Variants in LRRC52 observed in about 807,000 individuals in gnomAD.
LRRC52 encodes leucine rich repeat containing 52.
Under a neutral mutation model 14.7 loss-of-function variants are expected in LRRC52, and 15 were observed. That is an observed-to-expected ratio of 1.02 (90% CI 0.68 to 1.58). The LOEUF (loss-of-function observed/expected upper bound fraction) is 1.58. Among genes scored for constraint, LRRC52 ranks in the 40% most tolerant of loss-of-function variants. The pLI, the probability that LRRC52 is intolerant of heterozygous loss-of-function variation, is 0.00. For missense variants in LRRC52, 400 were observed against 387.7 expected, an observed-to-expected ratio of 1.03 and a Z score of -0.27; for synonymous variants, 180 against 163.9, an observed-to-expected ratio of 1.10 and a Z score of -0.75.
At chr1:165,555,058 A>G (rs961534237) in intron 1 of LRRC52, among the ~76,000 whole-genome samples, 3 of 152,258 alleles carry the variant, frequency 2.0e-5, no homozygotes, top group Non-Finnish European at 2.9e-5. Context: ...GGCACGGGGC[A>G]TACTGGTGTG....
Position 165,544,229 on chromosome 1 carries a change from C to CCCCCCCCCT in LRRC52, c.-68_-67insCCCCCCCCT. The stretch of plus-strand genomic sequence containing the variant: ...CCCCTCCCCCGCCCCACCCCCCCAC[C>CCCCCCCCCT]GGCAGCCTTCGGATCAGAGGACAGA... On this transcript the variant is annotated 5_prime_UTR_variant, in exon 1 of 2. Coordinates refer to ENST00000294818, the MANE Select transcript of LRRC52 (RefSeq NM_001005214.4). 6.8e-7 allele frequency: 1 copy of CCCCCCCCCT among 1,476,568 alleles called. No homozygotes were observed. Among genetic ancestry groups the CCCCCCCCCT allele is most frequent in the South Asian group, 1.3e-5 (1 of 75,142 alleles). 91.5% of individuals were successfully genotyped at this position (1,476,568 alleles called of 1,614,324 possible). A position where few individuals can be genotyped will look rare whatever the true frequency, so the allele number is the denominator to read the frequency against.
chr1:165,544,133 A>T lies in LRRC52; in HGVS notation c.-164A>T. On this transcript the variant is annotated 5_prime_UTR_variant, in exon 1 of 2. Coordinates refer to ENST00000294818, the MANE Select transcript of LRRC52 (RefSeq NM_001005214.4). ...GCAGGGCATTGAGCCTCGCGTTTCA[A>T]TTTCTGTTCAGTTCTCCTGTAATGG... The T allele has an allele frequency of 1.1e-6, 1 of 875,984 alleles. No homozygotes were observed. The highest frequency in any genetic ancestry group is 1.7e-6 in the Non-Finnish European group (1 of 581,120). The allele number at this position is 875,984 out of a possible 1,614,324, so 54.3% of individuals were successfully genotyped here. A position where few individuals can be genotyped will look rare whatever the true frequency, so the allele number is the denominator to read the frequency against.
chr1:165,553,051 G>A (rs1356002781), intron 1 of LRRC52, among the ~76,000 whole-genome samples: 1 of 152,114 alleles, frequency 6.6e-6, no homozygotes, highest in African/African-American at 2.4e-5. Context: ...TCAGAATAGA[G>A]GACAGGGCAT....
Position 165,544,791 on chromosome 1 carries a change from G to A in LRRC52, c.495G>A (p.Leu165=), listed in dbSNP as rs1368517844. ...TCAGAAATACCGGCTTGCAGACCCT[G>A]GACAGTGCTGCCTTATACCACCTCA... ...LDLRNTGLQT[L]DSAALYHLTT... Residue 165 remains leucine (L), a synonymous_variant, in exon 1 of 2, where the codon CTG becomes CTA. Transcript: ENST00000294818. The A allele has an allele frequency of 1.2e-6, 2 of 1,613,834 alleles. No homozygotes were observed. Among genetic ancestry groups the A allele is most frequent in the East Asian group, 2.2e-5 (1 of 44,872 alleles).
chr1:165,562,848 TC>T (rs34285112), intron 1 of LRRC52, among the ~76,000 whole-genome samples: 19,469 of 151,942 alleles, frequency 0.13, 1,345 homozygotes, highest in Non-Finnish European at 0.16. Flanking sequence ...AGAACTGCTT[TC>T]CCTATTGGCA....
At chr1:165,546,384 C>G (rs1661020888) in intron 1 of LRRC52, among the ~76,000 whole-genome samples, 1 of 152,228 alleles carries the variant, frequency 6.6e-6, no homozygotes, top group Non-Finnish European at 1.5e-5. Context: ...AAGCAGTTAT[C>G]TCAGGTAGGT....
At chr1:165,545,794 C>T (rs762948567) in intron 1 of LRRC52, among the ~76,000 whole-genome samples, 5 of 152,136 alleles carry the variant, frequency 3.3e-5, no homozygotes, top group Non-Finnish European at 5.9e-5. Context: ...CATTTTTACC[C>T]AGGAAAGTCA....
intron 1 of LRRC52, among the ~76,000 whole-genome samples, chr1:165,547,491 A>C (rs1020187877): frequency 1.3e-5 from 2 of 152,102 alleles, no homozygotes; most frequent in African/African-American, 4.8e-5. Context: ...AGTCTACCCC[A>C]ACTCCAAAAG....
chr1:165,546,126 GGTGT>G (rs1010139639), intron 1 of LRRC52, among the ~76,000 whole-genome samples: 4 of 152,140 alleles, frequency 2.6e-5, no homozygotes, highest in African/African-American at 7.2e-5. Flanking sequence ...CTTCCCAATG[GGTGT>G]GTCTCAAAAA....
At chr1:165,554,045 G>A (rs1295405428) in intron 1 of LRRC52, among the ~76,000 whole-genome samples, 5 of 152,066 alleles carry the variant, frequency 3.3e-5, no homozygotes, top group Admixed American at 2.0e-4. Flanking sequence ...GTCACTTGCC[G>A]ACTACTTGAC....
chr1:165,561,710 C>T (rs1661348254), intron 1 of LRRC52, among the ~76,000 whole-genome samples: 1 of 152,362 alleles, frequency 6.6e-6, no homozygotes, highest in East Asian at 1.9e-4. Flanking sequence ...TGACACAGTT[C>T]GTGCACTGGC....
intron 1 of LRRC52, among the ~76,000 whole-genome samples, chr1:165,548,177 G>C (rs1396732142): frequency 6.6e-6 from 1 of 152,098 alleles, no homozygotes; most frequent in Non-Finnish European, 1.5e-5. Flanking sequence ...CTCATTTTAG[G>C]CCCAAGGAAA....
intron 1 of LRRC52, among the ~76,000 whole-genome samples, chr1:165,562,200 T>TAAGGAGA (rs1339260941): frequency 7.2e-5 from 11 of 152,362 alleles, no homozygotes; most frequent in Non-Finnish European, 1.3e-4. Flanking sequence ...TGAATCTCAG[T>TAAGGAGA]TTCCTTATTT....
rs1571102250 is a variant in LRRC52, at chr1:165,544,225, C to T, written c.-72C>T. 7.2e-6 allele frequency: 10 copies of T among 1,388,146 alleles called. 1 individual carries two copies. Among genetic ancestry groups the T allele is most frequent in the Admixed American group, 2.3e-5 (1 of 44,170 alleles). 86.0% of individuals were successfully genotyped at this position (1,388,146 alleles called of 1,614,324 possible). Reference sequence around the variant, plus strand: ...AGAGCCCCTCCCCCGCCCCACCCCCCCACCGGCAGCCTTCGGATCAGAGGA... The same window carrying T: ...AGAGCCCCTCCCCCGCCCCACCCCCTCACCGGCAGCCTTCGGATCAGAGGA... On this transcript the variant is annotated 5_prime_UTR_variant, in exon 1 of 2. Transcript: ENST00000294818.
Position 165,544,220 on chromosome 1 carries a change from C to T in LRRC52, c.-77C>T, listed in dbSNP as rs538167744. On this transcript the variant is annotated 5_prime_UTR_variant, in exon 1 of 2. Coordinates refer to ENST00000294818, the MANE Select transcript of LRRC52 (RefSeq NM_001005214.4). ...TTTCCAGAGCCCCTCCCCCGCCCCA[C>T]CCCCCCACCGGCAGCCTTCGGATCA... 6.4e-5 allele frequency: 82 copies of T among 1,280,298 alleles called. 7 individuals carry two copies. In the African/African-American group the frequency reaches 9.5e-4, roughly 15 times the overall value. 79.3% of individuals were successfully genotyped at this position (1,280,298 alleles called of 1,614,324 possible).
Position 165,544,818 on chromosome 1 carries a change from T to A in LRRC52, c.522T>A (p.Thr174=). The A allele has an allele frequency of 1.2e-6, 2 of 1,613,880 alleles. No individual in the cohort carries two copies. Among genetic ancestry groups the A allele is most frequent in the Non-Finnish European group, 8.5e-7 (1 of 1,179,838 alleles). The change falls in exon 1 of 2, where the codon ACT becomes ACA. Residue 174 remains threonine (T), a synonymous_variant. Transcript: ENST00000294818. ...ACAGTGCTGCCTTATACCACCTCAC[T>A]ACTCTGGAGACCCTGTTTCTGAGTG... The part of the protein sequence containing the change: ...TLDSAALYHL[T]TLETLFLSGN...
chr1:165,549,319 T>C (rs976571665), intron 1 of LRRC52, among the ~76,000 whole-genome samples: 12 of 152,166 alleles, frequency 7.9e-5, no homozygotes, highest in Non-Finnish European at 1.5e-4. Context: ...ATGTGTAGAC[T>C]ACATTCTAGG....
In LRRC52 at chr1:165,544,849, C is replaced by G; in HGVS notation, c.553C>G (p.Pro185Ala). 1 of 1,614,100 alleles carries G rather than the reference C, an allele frequency of 6.2e-7. No individual in the cohort carries two copies. Among genetic ancestry groups the G allele is most frequent in the Non-Finnish European group, 8.5e-7 (1 of 1,180,024 alleles). ...GGAGACCCTGTTTCTGAGTGGAAAC[C>G]CCTGGAAGTGCAACTGCTCTTTCCT... ...TLETLFLSGN[P>A]WKCNCSFLDF... Residue 185 changes from proline to alanine, a missense_variant, in exon 1 of 2, where the codon CCC becomes GCC. Coordinates refer to ENST00000294818, the MANE Select transcript of LRRC52 (RefSeq NM_001005214.4).
chr1:165,550,247 A>G (rs746948029), intron 1 of LRRC52, among the ~76,000 whole-genome samples: 1 of 152,204 alleles, frequency 6.6e-6, no homozygotes, highest in Non-Finnish European at 1.5e-5. Context: ...AAACTCACTC[A>G]AACTCTAAGC....
Sources: allele counts gnomAD v4.1 joint callset (sites outside exome capture counted in the v4.1 genomes callset), GRCh38; gene constraint gnomAD v4.1.1; transcripts MANE v1.5; gene names NCBI Gene and HGNC (gene_info 2026-07-23, HGNC 2026-07-21).